The following ARMH3 variants were observed in gnomAD, a reference collection of about 807,000 sequenced individuals.
ARMH3 encodes the protein armadillo like helical domain containing 3, also known as armadillo-like helical domain-containing protein 3.
In ARMH3, 60 loss-of-function variants were observed where a neutral mutation model predicts 99.1. The observed-to-expected ratio is 0.61, with a 90% CI of 0.49 to 0.75. The LOEUF is 0.75. Ranked by LOEUF, ARMH3 falls within the 30% of genes least tolerant of loss-of-function variation. The pLI, the probability that ARMH3 is intolerant of heterozygous loss-of-function variation, is 0.00. For synonymous variants in ARMH3, 285 were observed against 292.8 expected (o/e 0.97, Z 0.27); for missense variants, 679 against 843.1 (o/e 0.81, Z 2.41).
At chr10:101,900,952 C>A (rs958142192) in intron 23 of ARMH3, among the ~76,000 whole-genome samples, 2 of 151,926 alleles carry the variant, frequency 1.3e-5, no homozygotes, top group Admixed American at 6.6e-5. Flanking sequence ...CCACTGTACT[C>A]CAGCCTGGGC....
intron 23 of ARMH3, among the ~76,000 whole-genome samples, chr10:101,908,767 G>A (rs1395475386): frequency 1.3e-5 from 2 of 151,104 alleles, no homozygotes; most frequent in East Asian, 2.0e-4. Flanking sequence ...GAGTTCAAGC[G>A]ATTCTCCTGC....
chr10:101,874,418 G>A (rs951614727), intron 24 of ARMH3, among the ~76,000 whole-genome samples: 1 of 152,072 alleles, frequency 6.6e-6, no homozygotes, highest in African/African-American at 2.4e-5. Flanking sequence ...GTAACTCTAA[G>A]CTAGGAGTTA....
chr10:101,944,316 A>G (rs1304953208), intron 22 of ARMH3, among the ~76,000 whole-genome samples: 9 of 126,594 alleles, frequency 7.1e-5, no homozygotes, highest in African/African-American at 2.2e-4. Context: ...AGAGAGAGAG[A>G]GAGAGAGAGA....
intron 24 of ARMH3, among the ~76,000 whole-genome samples, chr10:101,875,691 A>G (rs1433695665): frequency 6.6e-6 from 1 of 152,176 alleles, no homozygotes; most frequent in East Asian, 1.9e-4. Flanking sequence ...CAGCAAGGTG[A>G]AGCAGATAAT....
chr10:101,993,035 C>A (rs1846874582), intron 17 of ARMH3, among the ~76,000 whole-genome samples: 1 of 151,992 alleles, frequency 6.6e-6, no homozygotes. Context: ...CTTTGGCAGG[C>A]CAAGGCGGGC....
At chr10:101,934,554 C>T (rs1397149907) in intron 23 of ARMH3, among the ~76,000 whole-genome samples, 1 of 152,026 alleles carries the variant, frequency 6.6e-6, no homozygotes, top group African/African-American at 2.4e-5. Context: ...ATACATTAAC[C>T]ATAGTTAAAA....
At chr10:102,009,596 G>C in intron 12 of ARMH3, 147 bp from the exon 13 acceptor site, 1 of 756,270 alleles carries the variant, frequency 1.3e-6, no homozygotes, top group Non-Finnish European at 2.2e-6. Context: ...TGCCATTTGG[G>C]CGTATGCAAA....
chr10:101,994,457 A>G (rs1846962191), intron 16 of ARMH3, among the ~76,000 whole-genome samples: 1 of 152,170 alleles, frequency 6.6e-6, no homozygotes. Context: ...TAAGAGAGAA[A>G]AGAGCAGAGT....
intron 23 of ARMH3, among the ~76,000 whole-genome samples, chr10:101,916,494 C>T (rs1843091887): frequency 6.6e-6 from 1 of 152,200 alleles, no homozygotes; most frequent in African/African-American, 2.4e-5. Flanking sequence ...GGTTGCCACA[C>T]ATAAAGTATG....
chr10:101,892,626 T>A (rs2067721501), intron 23 of ARMH3, among the ~76,000 whole-genome samples: 1 of 151,906 alleles, frequency 6.6e-6, no homozygotes, highest in South Asian at 2.1e-4. Flanking sequence ...TAAAAAAAAA[T>A]ACCAATCCCA....
chr10:102,048,021 G>A (rs1448724610), intron 1 of ARMH3, among the ~76,000 whole-genome samples: 1 of 152,148 alleles, frequency 6.6e-6, no homozygotes, highest in Non-Finnish European at 1.5e-5. Context: ...ATATCAAAGA[G>A]GTTAAAAAGC....
At chr10:101,855,577 ACT>A (rs1400948084) in intron 24 of ARMH3, among the ~76,000 whole-genome samples, 1 of 150,304 alleles carries the variant, frequency 6.7e-6, no homozygotes, top group Non-Finnish European at 1.5e-5. Context: ...ACAAGATCTC[ACT>A]CTGTCACCCA....
At chr10:101,881,259 A>G (rs995207904) in intron 24 of ARMH3, among the ~76,000 whole-genome samples, 3 of 152,182 alleles carry the variant, frequency 2.0e-5, no homozygotes, top group Admixed American at 1.3e-4. Flanking sequence ...GGGTACCAGC[A>G]GAACACCTTT....
chr10:101,973,794 C>T (rs1845876480), intron 20 of ARMH3, among the ~76,000 whole-genome samples: 1 of 152,186 alleles, frequency 6.6e-6, no homozygotes, highest in Non-Finnish European at 1.5e-5. Context: ...CTACTACCAC[C>T]TTGTTTAGTA....
chr10:102,001,601 G>A (rs2066362414), intron 15 of ARMH3, among the ~76,000 whole-genome samples: 2 of 152,054 alleles, frequency 1.3e-5, no homozygotes, highest in African/African-American at 2.4e-5. Context: ...TTCTCACCAC[G>A]AGCTGATGCT....
intron 4 of ARMH3, among the ~76,000 whole-genome samples, chr10:102,029,991 G>A (rs981642992): frequency 5.9e-5 from 9 of 151,400 alleles, no homozygotes; most frequent in African/African-American, 1.9e-4. Flanking sequence ...CATAATCACA[G>A]CTCACTACAG....
intron 2 of ARMH3, among the ~76,000 whole-genome samples, chr10:102,034,599 G>A (rs1003723453): frequency 1.3e-5 from 2 of 150,754 alleles, no homozygotes; most frequent in Non-Finnish European, 2.9e-5. Context: ...TCACACTGCT[G>A]CACTCCAGCC....
At chr10:101,874,040 C>T (rs891152448) in intron 24 of ARMH3, among the ~76,000 whole-genome samples, 9 of 152,034 alleles carry the variant, frequency 5.9e-5, no homozygotes, top group African/African-American at 1.9e-4. Flanking sequence ...AGAAAGAAGA[C>T]ATAAAAGAGT....
At chr10:101,869,227 G>A (rs2067077372) in intron 24 of ARMH3, among the ~76,000 whole-genome samples, 1 of 152,198 alleles carries the variant, frequency 6.6e-6, no homozygotes, top group Non-Finnish European at 1.5e-5. Context: ...CAGAAAATAA[G>A]TAAAGAGAGA....
Sources: gnomAD v4.1 joint callset for allele counts (sites outside exome capture counted in the v4.1 genomes callset) on GRCh38, gnomAD v4.1.1 for gene constraint, MANE v1.5 for transcripts, NCBI Gene and HGNC (gene_info 2026-07-23, HGNC 2026-07-21) for gene names.